The following TNR variants were observed in gnomAD, a reference collection of about 807,000 sequenced individuals.
The protein encoded by TNR is tenascin R.
In TNR, 45 loss-of-function variants were observed where a neutral mutation model predicts 150.4. That is an observed-to-expected ratio of 0.30 (90% CI 0.24 to 0.38). TNR has a LOEUF of 0.38. Ranked by LOEUF, TNR falls within the 10% of genes least tolerant of loss-of-function variation. The pLI is 1.00. For missense variants in TNR, 1,544 were observed against 1,759.1 expected, an observed-to-expected ratio of 0.88 and a Z score of 2.19; for synonymous variants, 687 against 678.4, an observed-to-expected ratio of 1.01 and a Z score of -0.20.
rs1339621372 is a variant in TNR, at chr1:175,386,424, C to A, written c.1508-123G>T. 3.7e-5 allele frequency: 39 copies of A among 1,059,070 alleles called. No homozygotes were observed. The East Asian group carries it at 1.1e-3, about 29-fold the overall frequency. 65.6% of individuals were successfully genotyped at this position (1,059,070 alleles called of 1,614,324 possible). ...AGAGAGAGGATGGGTATTGTTACTG[C>A]ATTTTACAGATGAGGAAAATGAGAC... On this transcript the variant is annotated intron_variant, in intron 7 of 22. Transcript: ENST00000367674.
intron 1 of TNR, among the ~76,000 whole-genome samples, chr1:175,542,479 A>T (rs905512188): frequency 9.2e-5 from 14 of 152,306 alleles, no homozygotes; most frequent in South Asian, 4.1e-4. Flanking sequence ...TAGTTAAATA[A>T]ATGAATGAAC....
chr1:175,624,876 T>C (rs1664096350), intron 1 of TNR, among the ~76,000 whole-genome samples: 1 of 151,824 alleles, frequency 6.6e-6, no homozygotes, highest in Non-Finnish European at 1.5e-5. Context: ...CACCATGGGG[T>C]CACTAGAGGA....
At chr1:175,392,290 C>CCCTATTCT in intron 6 of TNR, among the ~76,000 whole-genome samples, 1 of 152,208 alleles carries the variant, frequency 6.6e-6, no homozygotes, top group East Asian at 1.9e-4. Flanking sequence ...TGCCATTCTC[C>CCCTATTCT]CCTATTCTTT....
chr1:175,544,011 C>T (rs1164861689), intron 1 of TNR, among the ~76,000 whole-genome samples: 1 of 152,140 alleles, frequency 6.6e-6, no homozygotes, highest in Non-Finnish European at 1.5e-5. Flanking sequence ...AAGTCCCAAA[C>T]AGCCAGGGCA....
chr1:175,699,706 C>T (rs966374442), intron 1 of TNR, among the ~76,000 whole-genome samples: 2 of 151,980 alleles, frequency 1.3e-5, no homozygotes, highest in African/African-American at 2.4e-5. Context: ...TGGTGGCCAG[C>T]GACTGACAGG....
intron 1 of TNR, among the ~76,000 whole-genome samples, chr1:175,604,497 G>GGGAAGGCT (rs1448263225): frequency 2.0e-5 from 3 of 152,186 alleles, no homozygotes; most frequent in African/African-American, 7.2e-5. Context: ...AGGTCACAGT[G>GGGAAGGCT]GGAAGGCTGG....
chr1:175,650,822 C>CATAA (rs1337434876), intron 1 of TNR, among the ~76,000 whole-genome samples: 13 of 67,344 alleles, frequency 1.9e-4, no homozygotes, highest in Admixed American at 4.3e-4. Flanking sequence ...TCCCCCACCT[C>CATAA]CTTACTACCC....
chr1:175,607,193 C>T (rs1663437022), intron 1 of TNR, among the ~76,000 whole-genome samples: 1 of 152,090 alleles, frequency 6.6e-6, no homozygotes, highest in South Asian at 2.1e-4. Flanking sequence ...TTTCCTTTGC[C>T]AATGGTGGAC....
rs1175858506 is a variant in TNR, at chr1:175,330,143, C to T, written c.3724G>A (p.Asp1242Asn). ...CTGCTGTCCTCGACAGAGAACCTGTCGTAGGAGGCGAAGGCGGCCTCTTGG... is the reference window on the plus strand; with the variant it reads ...CTGCTGTCCTCGACAGAGAACCTGTTGTAGGAGGCGAAGGCGGCCTCTTGG... ...DGQEAAFASY[D>N]RFSVEDSRNL... The change falls in exon 21 of 23, where the codon GAC (aspartate) becomes AAC (asparagine). Residue 1242 changes from aspartate to asparagine, a missense_variant. Around this residue, in one of 2 missense-constraint regions of TNR, gnomAD observed 290 missense variants for 429.7 expected, o/e 0.67. Transcript: ENST00000367674. 15 of 1,613,534 alleles carry T rather than the reference C, an allele frequency of 9.3e-6. No homozygotes were observed. Among genetic ancestry groups the T allele is most frequent in the Non-Finnish European group, 1.3e-5 (15 of 1,179,620 alleles).
Position 175,355,368 on chromosome 1 carries a change from T to C in TNR, c.3249+135A>G, listed in dbSNP as rs866601172. The C allele has an allele frequency of 1.2e-4, 139 of 1,198,560 alleles. No homozygotes were observed. The Middle Eastern group carries it at 2.0e-3, about 18-fold the overall frequency. The allele number at this position is 1,198,560 out of a possible 1,614,324, so 74.2% of individuals were successfully genotyped here. On this transcript the variant is annotated intron_variant, in intron 17 of 22. Transcript: ENST00000367674. ...TCAACAGCAGGCTGGGTATCCTTGA[T>C]GGGAAGCTGATGAGCAATCCTTGTG...
intron 2 of TNR, among the ~76,000 whole-genome samples, chr1:175,427,432 C>CT (rs1655043238): frequency 6.6e-6 from 1 of 151,836 alleles, no homozygotes; most frequent in Non-Finnish European, 1.5e-5. Flanking sequence ...ATGTATGTTG[C>CT]TTTTTTATAC....
intron 2 of TNR, among the ~76,000 whole-genome samples, chr1:175,523,695 C>T (rs957284751): frequency 1.1e-4 from 17 of 152,196 alleles, no homozygotes; most frequent in Admixed American, 1.0e-3. Context: ...CTCATCTGGA[C>T]TATTAGAGCA....
intron 9 of TNR, among the ~76,000 whole-genome samples, chr1:175,370,972 T>A (rs1652074324): frequency 6.6e-6 from 1 of 152,164 alleles, no homozygotes; most frequent in Non-Finnish European, 1.5e-5. Context: ...TGCTTATAGG[T>A]TTGTGCCTGC....
At chr1:175,493,037 C>T (rs1179718657) in intron 2 of TNR, among the ~76,000 whole-genome samples, 1 of 151,988 alleles carries the variant, frequency 6.6e-6, no homozygotes, top group East Asian at 1.9e-4. Context: ...GGAGAGTGGA[C>T]TTGGCGCATT....
chr1:175,418,458 T>C (rs1654604922), intron 2 of TNR, among the ~76,000 whole-genome samples: 1 of 152,198 alleles, frequency 6.6e-6, no homozygotes, highest in Admixed American at 6.5e-5. Flanking sequence ...GCGGAGTGGC[T>C]CATGCTTGTA....
intron 1 of TNR, among the ~76,000 whole-genome samples, chr1:175,589,764 G>A (rs1055310863): frequency 1.2e-4 from 18 of 152,042 alleles, no homozygotes; most frequent in Non-Finnish European, 2.2e-4. Context: ...ACCAAACACC[G>A]CATGTTCTCA....
chr1:175,739,726 C>T (rs529963340), intron 1 of TNR, among the ~76,000 whole-genome samples: 21 of 152,080 alleles, frequency 1.4e-4, no homozygotes, highest in Non-Finnish European at 2.8e-4. Flanking sequence ...TAAAGAGAAA[C>T]GGCACCCTCC....
At chr1:175,654,238 C>T (rs1665101340) in intron 1 of TNR, among the ~76,000 whole-genome samples, 1 of 152,176 alleles carries the variant, frequency 6.6e-6, no homozygotes, top group Admixed American at 6.5e-5. Flanking sequence ...ATGCAAAAGA[C>T]TGTTTCAATT....
intron 1 of TNR, among the ~76,000 whole-genome samples, chr1:175,549,363 G>A (rs1211873306): frequency 6.6e-6 from 1 of 152,248 alleles, no homozygotes; most frequent in African/African-American, 2.4e-5. Context: ...ATGAGGGTAT[G>A]AGAACCTTCT....
Sources: allele counts gnomAD v4.1 joint callset (sites outside exome capture counted in the v4.1 genomes callset), GRCh38; gene constraint gnomAD v4.1.1; regional missense constraint gnomAD v4.1.1; transcripts MANE v1.5; gene names NCBI Gene and HGNC (gene_info 2026-07-23, HGNC 2026-07-21).